LIG1: variants seen among roughly 807,000 people sequenced by gnomAD.
The protein encoded by LIG1 is ligase I, DNA, ATP-dependent.
LIG1 carries 70 observed loss-of-function variants against 115.7 expected under a neutral mutation model. The observed-to-expected ratio is 0.60, with a 90% CI of 0.50 to 0.74. LIG1 has a LOEUF of 0.74. Among genes scored for constraint, LIG1 ranks in the 30% least tolerant of loss-of-function variants. The pLI is 0.00. For synonymous variants in LIG1, 487 were observed against 495.3 expected, an observed-to-expected ratio of 0.98 and a Z score of 0.22; for missense variants, 1,115 against 1,225.6, an observed-to-expected ratio of 0.91 and a Z score of 1.35.
At chr19:48,161,615 A>C in intron 3 of LIG1, 108 bp from the exon 4 acceptor site, 10 of 1,315,658 alleles carry the variant, frequency 7.6e-6, no homozygotes, top group Non-Finnish European at 1.1e-5. Flanking sequence ...CTTCCTTTCA[A>C]GCATCCAATG....
chr19:48,145,090 G>A (rs2035035199), intron 9 of LIG1, among the ~76,000 whole-genome samples: 1 of 152,134 alleles, frequency 6.6e-6, no homozygotes, highest in Admixed American at 6.5e-5. Context: ...GTAGAGATGG[G>A]GTTTTGCCGT....
chr19:48,161,861 T>C (rs1199806616), intron 3 of LIG1, among the ~76,000 whole-genome samples: 1 of 143,100 alleles, frequency 7.0e-6, no homozygotes, highest in African/African-American at 2.6e-5. Flanking sequence ...AATCTTGCTC[T>C]GTCGCCCAGG....
At position 48,143,558 on chromosome 19, in the gene LIG1, T is replaced by C. The variant is rs1216959388; in HGVS notation, c.899A>G (p.Glu300Gly). Residue 300 changes from glutamate to glycine, a missense_variant, in exon 11 of 28, where the codon GAG becomes GGG. By Grantham distance (98) the Glu-to-Gly change is moderately conservative (BLOSUM62 -2). Coordinates refer to ENST00000263274, the MANE Select transcript of LIG1 (RefSeq NM_000234.3). The stretch of plus-strand genomic sequence containing the variant: ...CATTAGTTACCGAGCAGACACCTCC[T>C]CGATCTTCTCAAACGTCCGGGCCAC... The part of the protein sequence containing the change: ...LAVARTFEKI[E>G]EVSARLRMVE... 7.1e-7 allele frequency: 1 copy of C among 1,408,518 alleles called. No homozygotes were observed. The highest frequency in any genetic ancestry group is 3.5e-5 in the East Asian group (1 of 28,348). The allele number at this position is 1,408,518 out of a possible 1,614,324, so 87.3% of individuals were successfully genotyped here. A position where few individuals can be genotyped will look rare whatever the true frequency, so the allele number is the denominator to read the frequency against.
At chr19:48,128,732 G>A (rs2033834129) in intron 19 of LIG1, among the ~76,000 whole-genome samples, 1 of 152,216 alleles carries the variant, frequency 6.6e-6, no homozygotes, top group Non-Finnish European at 1.5e-5. Context: ...GTATCCTGGA[G>A]CCAGGTAGCT....
intron 1 of LIG1, among the ~76,000 whole-genome samples, chr19:48,167,144 ATAAATAT>A (rs1439988135): frequency 6.6e-5 from 10 of 150,952 alleles, no homozygotes; most frequent in Non-Finnish European, 1.3e-4. Context: ...TCCTTCCATT[ATAAATAT>A]TAAAGATATA....
chr19:48,124,360 G>A (rs945348901), intron 21 of LIG1, among the ~76,000 whole-genome samples: 1 of 152,162 alleles, frequency 6.6e-6, no homozygotes, highest in African/African-American at 2.4e-5. Flanking sequence ...TTCCTAGCTG[G>A]TGACTTCAGG....
intron 20 of LIG1, 46 bp downstream of exon 20, chr19:48,127,864 T>C (rs763572536): frequency 3.4e-6 from 5 of 1,485,554 alleles, no homozygotes; most frequent in Non-Finnish European, 4.7e-6. Context: ...GGGTGGAAGA[T>C]GAGGAAGTAC....
chr19:48,122,918 G>A lies in LIG1; in HGVS notation c.2232+16C>T, dbSNP rs767192842. ...GACCCGGGGTGGAGAAGGCCCAGTTGGGGGTCGAGAATCACCTTGAGCCAG... is the reference window on the plus strand; with the variant it reads ...GACCCGGGGTGGAGAAGGCCCAGTTAGGGGTCGAGAATCACCTTGAGCCAG... On this transcript the variant is annotated intron_variant, in intron 23 of 27. Transcript: ENST00000263274. This position sits in a 1 kb window ranked among gnomAD's most constrained non-coding sequence, Gnocchi z 4.3. 6.2e-7 allele frequency: 1 copy of A among 1,613,004 alleles called. No homozygotes were observed. The highest frequency in any genetic ancestry group is 2.2e-5 in the East Asian group (1 of 44,866).
chr19:48,120,838 G>A (rs879944465), intron 24 of LIG1: 17 of 753,414 alleles, frequency 2.3e-5, no homozygotes, highest in Non-Finnish European at 2.9e-5. Context: ...GGGGAGAGGA[G>A]GAACCTGAAT....
intron 9 of LIG1, among the ~76,000 whole-genome samples, chr19:48,148,575 G>A (rs1237264597): frequency 1.3e-5 from 2 of 152,118 alleles, no homozygotes; most frequent in Non-Finnish European, 2.9e-5. Context: ...TGCAATGTAA[G>A]GTGGACAGGG....
intron 7 of LIG1, 44 bp downstream of exon 7, chr19:48,151,188 A>C (rs1331701429): frequency 4.8e-6 from 6 of 1,245,308 alleles, no homozygotes; most frequent in Non-Finnish European, 7.0e-6. Context: ...CTGACCCCAA[A>C]ATCAGGAGGT....
At chr19:48,120,182 C>G in intron 24 of LIG1, 3 of 985,260 alleles carry the variant, frequency 3.0e-6, no homozygotes, top group Non-Finnish European at 3.6e-6. Flanking sequence ...AGAACAAAGC[C>G]GGCAACAACT....
chr19:48,123,124 G>A (rs542376014), intron 22 of LIG1, 50 bp downstream of exon 22: 14 of 1,613,144 alleles, frequency 8.7e-6, no homozygotes, highest in South Asian at 6.6e-5. Flanking sequence ...CTGGGAGGCC[G>A]GGGTCAGCGC....
At chr19:48,139,824 G>A in intron 12 of LIG1, 147 bp downstream of exon 12, 1 of 926,010 alleles carries the variant, frequency 1.1e-6, no homozygotes, top group Non-Finnish European at 1.7e-6. Flanking sequence ...CTGCAAATCT[G>A]TCCCCATCAG....
chr19:48,156,821 G>C (rs1028377953), intron 5 of LIG1, among the ~76,000 whole-genome samples, 193 bp downstream of exon 5: 1 of 151,448 alleles, frequency 6.6e-6, no homozygotes, highest in Non-Finnish European at 1.5e-5. Context: ...GGCTCCTGTA[G>C]TCCCAGCTAC....
intron 5 of LIG1, among the ~76,000 whole-genome samples, chr19:48,155,317 T>A (rs1260422386): frequency 1.3e-5 from 2 of 152,110 alleles, no homozygotes; most frequent in African/African-American, 4.8e-5. Flanking sequence ...CCACGTGCTA[T>A]CCTCAAACTC....
intron 11 of LIG1, among the ~76,000 whole-genome samples, chr19:48,142,202 C>T (rs1459261355): frequency 2.6e-5 from 4 of 151,894 alleles, no homozygotes; most frequent in Non-Finnish European, 5.9e-5. Flanking sequence ...CTTTGGGAGG[C>T]GGAGGTGGGC....
At chr19:48,120,440 TG>T in intron 24 of LIG1, 1 of 985,280 alleles carries the variant, frequency 1.0e-6, no homozygotes, top group Non-Finnish European at 1.2e-6. Flanking sequence ...TGTCTCTGGG[TG>T]GTACGATTCT....
At chr19:48,142,159 C>T (rs1279988579) in intron 11 of LIG1, among the ~76,000 whole-genome samples, 5 of 151,826 alleles carry the variant, frequency 3.3e-5, no homozygotes, top group African/African-American at 4.8e-5. Context: ...AAATTAGGGC[C>T]GGGCGCGGTG....
Sources: gnomAD v4.1 joint callset for allele counts (sites outside exome capture counted in the v4.1 genomes callset) on GRCh38, gnomAD v4.1.1 for gene constraint, Gnocchi (gnomAD v3.1) non-coding constraint, MANE v1.5 for transcripts, NCBI Gene and HGNC (gene_info 2026-07-23, HGNC 2026-07-21) for gene names.